WDR17: variants seen among roughly 807,000 people sequenced by gnomAD.
WDR17 encodes WD repeat-containing protein 17.
In WDR17, 143 loss-of-function variants were observed where a neutral mutation model predicts 161.7. The observed-to-expected ratio is 0.88, with a 90% confidence interval of 0.77 to 1.02. WDR17 has a LOEUF of 1.02. Ranked by LOEUF, WDR17 falls within the 50% of genes least tolerant of loss-of-function variation. WDR17 has a pLI of 0.00. For missense variants in WDR17, 1,469 were observed against 1,520.9 expected (o/e 0.97, Z 0.57); for synonymous variants, 517 against 515.6 (o/e 1.00, Z -0.04).
chr4:176,137,556 A>T lies in WDR17; in HGVS notation c.1304A>T (p.Asn435Ile). 6.2e-7 allele frequency: 1 copy of T among 1,601,818 alleles called. No homozygotes were observed. Among genetic ancestry groups the T allele is most frequent in the Non-Finnish European group, 8.5e-7 (1 of 1,172,234 alleles). ...TGTATTGCTGGGGGAACTTCCCGAA[A>T]TGGTGCTTTTATTTGGAATGTTCAA... ...LNCIAGGTSR[N>I]GAFIWNVQKG... Residue 435 changes from asparagine to isoleucine, a missense_variant, in exon 9 of 29, where the codon AAT (asparagine) becomes ATT (isoleucine). Physicochemically the swap from Asn to Ile is moderately radical, Grantham distance 149. Coordinates refer to ENST00000508596, the MANE Select transcript of WDR17 (RefSeq NM_181265.4).
At chr4:176,118,054 T>C (rs28682996) in intron 3 of WDR17, among the ~76,000 whole-genome samples, 40,322 of 151,986 alleles carry the variant, frequency 0.27, 5,613 homozygotes, top group African/African-American at 0.34. Context: ...TCCATTTAAA[T>C]GAAAATGCAT....
Position 176,179,504 on chromosome 4 carries a change from G to A in WDR17, c.3777G>A (p.Leu1259=). ...FLEDGKSAIS[L]NDALMWAKVN... Reference sequence around the variant, plus strand: ...AAGACGGGAAATCTGCTATCTCCTTGAATGATGCTTTGATGTGGGCAAAGG... The same window carrying A: ...AAGACGGGAAATCTGCTATCTCCTTAAATGATGCTTTGATGTGGGCAAAGG... Residue 1259 remains leucine (L), a synonymous_variant, in exon 29 of 29, where the codon TTG becomes TTA. Transcript: ENST00000508596. 1 of 1,606,342 alleles carries A rather than the reference G, an allele frequency of 6.2e-7. No individual in the cohort carries two copies. Among genetic ancestry groups the A allele is most frequent in the Non-Finnish European group, 8.5e-7 (1 of 1,175,850 alleles).
chr4:176,133,378 T>TAAAA (rs571544131), intron 7 of WDR17, among the ~76,000 whole-genome samples: 6 of 72,988 alleles, frequency 8.2e-5, no homozygotes, highest in African/African-American at 1.3e-4. Context: ...TCTACTAAGC[T>TAAAA]AAAAAAAAAA....
intron 16 of WDR17, 31 bp from the exon 17 acceptor site, chr4:176,151,781 T>C: frequency 6.5e-7 from 1 of 1,537,478 alleles, no homozygotes; most frequent in Non-Finnish European, 8.7e-7. Context: ...ATGTCAAATT[T>C]TTTTAAATTC....
chr4:176,066,477 A>G (rs558479012), intron 1 of WDR17, among the ~76,000 whole-genome samples: 1 of 152,256 alleles, frequency 6.6e-6, no homozygotes, highest in Non-Finnish European at 1.5e-5. Context: ...TGGACTTATT[A>G]GTAGGGTTGT....
chr4:176,095,606 T>C (rs535231095), intron 1 of WDR17, among the ~76,000 whole-genome samples: 1 of 152,090 alleles, frequency 6.6e-6, no homozygotes, highest in African/African-American at 2.4e-5. Context: ...CCCCCTCCCC[T>C]ACCCTCCTTC....
In WDR17 at chr4:176,148,333, AT is replaced by A; in HGVS notation, c.1896del (p.Tyr632Ter). On this transcript the variant is annotated frameshift_variant and splice_region_variant, in exon 13 of 29. Coordinates refer to ENST00000508596, the MANE Select transcript of WDR17 (RefSeq NM_181265.4). LOFTEE classifies it high-confidence loss of function. Reference sequence around the variant, plus strand: ...GTGTATGATCACGGTGCAGATGTATATGGTAGAGTGTCTTTCATTCTTTCAT... The same window carrying A: ...GTGTATGATCACGGTGCAGATGTATAGGTAGAGTGTCTTTCATTCTTTCAT... The part of the protein sequence containing the change: ...DTVYDHGADV[Y>X]GLTCHPSRPF... 1 of 1,611,020 alleles carries A rather than the reference AT, an allele frequency of 6.2e-7. No homozygotes were observed. The highest frequency in any genetic ancestry group is 8.5e-7 in the Non-Finnish European group (1 of 1,178,524).
At chr4:176,073,411 A>G (rs1027113272) in intron 1 of WDR17, among the ~76,000 whole-genome samples, 3 of 151,994 alleles carry the variant, frequency 2.0e-5, no homozygotes, top group South Asian at 2.1e-4. Context: ...AGTTTCATCC[A>G]TGTCCCTACA....
Position 176,146,171 on chromosome 4 carries a change from TG to T in WDR17, c.1694+14del. On this transcript the variant is annotated intron_variant, in intron 12 of 28. Coordinates refer to ENST00000508596, the MANE Select transcript of WDR17 (RefSeq NM_181265.4). ...GGTTCTGATGATGGGTATGTATTTT[TG>T]GATTCTAATTTTCTAGTCCTTAAAA... is the stretch of plus-strand genomic sequence containing the variant. 6.2e-7 allele frequency: 1 copy of T among 1,608,020 alleles called. No individual in the cohort carries two copies. The highest frequency in any genetic ancestry group is 8.5e-7 in the Non-Finnish European group (1 of 1,177,480).
chr4:176,066,933 CTA>C (rs1732607291), intron 1 of WDR17, among the ~76,000 whole-genome samples: 1 of 152,102 alleles, frequency 6.6e-6, no homozygotes, highest in African/African-American at 2.4e-5. Flanking sequence ...TCTTAGCACT[CTA>C]ATAACATTTC....
chr4:176,129,775 G>C (rs1330792100), intron 6 of WDR17, among the ~76,000 whole-genome samples: 1 of 152,084 alleles, frequency 6.6e-6, no homozygotes, highest in Non-Finnish European at 1.5e-5. Context: ...AAATTGTGAA[G>C]TCCCTAATAA....
At position 176,162,154 on chromosome 4, in the gene WDR17, C is replaced by G. The variant is rs1207821032; in HGVS notation, c.2830C>G (p.Leu944Val). 1 of 1,612,630 alleles carries G rather than the reference C, an allele frequency of 6.2e-7. No individual in the cohort carries two copies. Among genetic ancestry groups the G allele is most frequent in the African/African-American group, 1.3e-5 (1 of 74,882 alleles). The change falls in exon 21 of 29, where the codon CTT becomes GTT. Residue 944 changes from leucine (L) to valine (V), a missense_variant. By Grantham distance (32) the Leu-to-Val change is conservative. Transcript: ENST00000508596. ...AGCAGTACTAGCCGCATGTTGCCAT[C>G]TTGCCATAGATAATATTGAGGTACG... ...GRAVLAACCH[L>V]AIDNIELAMA... is the part of the protein sequence containing the mutation.
intron 17 of WDR17, among the ~76,000 whole-genome samples, chr4:176,155,140 T>A (rs1747859573): frequency 6.6e-6 from 1 of 152,162 alleles, no homozygotes; most frequent in Admixed American, 6.5e-5. Flanking sequence ...AACAAATTAC[T>A]CTGGAGTTGT....
chr4:176,084,973 G>A (rs965906982), intron 1 of WDR17, among the ~76,000 whole-genome samples: 7 of 151,306 alleles, frequency 4.6e-5, no homozygotes, highest in African/African-American at 9.7e-5. Flanking sequence ...GTATCTTTGC[G>A]TCACCACCAC....
Position 176,131,574 on chromosome 4 carries a change from A to G in WDR17, c.934A>G (p.Lys312Glu), listed in dbSNP as rs1186474470. Reference protein sequence around the residue: ...RKKFSVQSPTKNHYTSSTSEA... With the variant: ...RKKFSVQSPTENHYTSSTSEA... ...TTTAGTTTCAGTCCAATCTCCAACC[A>G]AAAATCATTATACATCCTCAACAAG... Residue 312 changes from lysine (K) to glutamate (E), a missense_variant, in exon 7 of 29, where the codon AAA becomes GAA. Physicochemically the swap from Lys to Glu is moderately conservative, Grantham distance 56. Transcript: ENST00000508596. The G allele has an allele frequency of 6.2e-7, 1 of 1,607,060 alleles. No homozygotes were observed. The highest frequency in any genetic ancestry group is 8.5e-7 in the Non-Finnish European group (1 of 1,176,970).
At position 176,148,262 on chromosome 4, in the gene WDR17, T is replaced by G. The variant is rs370463271; in HGVS notation, c.1824T>G (p.Tyr608Ter). Residue 608 changes from tyrosine to a stop codon, truncating the protein, a stop_gained, in exon 13 of 29, where the codon TAT becomes TAG. Coordinates refer to ENST00000508596, the MANE Select transcript of WDR17 (RefSeq NM_181265.4). LOFTEE classifies it high-confidence loss of function. ...PYLLISGSWD[Y>*]TIKVWDTREG... is the part of the protein sequence containing the mutation. ...TGCTCATATCTGGCAGCTGGGACTA[T>G]ACTATAAAAGTATGGGACACTCGAG... is the stretch of plus-strand genomic sequence containing the variant. 3.1e-6 allele frequency: 5 copies of G among 1,613,814 alleles called. No homozygotes were observed. Among genetic ancestry groups the G allele is most frequent in the African/African-American group, 1.3e-5 (1 of 75,050 alleles).
intron 11 of WDR17, among the ~76,000 whole-genome samples, chr4:176,143,585 G>T (rs547292387): frequency 7.9e-5 from 12 of 152,224 alleles, no homozygotes; most frequent in African/African-American, 2.9e-4. Context: ...AGGCTGAGGT[G>T]GGAGGATGGG....
chr4:176,155,545 G>GTTTTTTTTTTGTTTTGTTTTGTTTTGTT (rs1747940095), intron 17 of WDR17, among the ~76,000 whole-genome samples: 1 of 105,248 alleles, frequency 9.5e-6, no homozygotes, highest in African/African-American at 3.9e-5. Flanking sequence ...ATTTGTTTGT[G>GTTTTTTTTTTGTTTTGTTTTGTTTTGTT]TTTTTTTTTT....
chr4:176,112,023 A>G (rs2126696056), intron 2 of WDR17, among the ~76,000 whole-genome samples: 1 of 152,306 alleles, frequency 6.6e-6, no homozygotes, highest in South Asian at 2.1e-4. Flanking sequence ...AAAAACTTGT[A>G]TAACTATGTT....
Sources: gnomAD v4.1 joint callset for allele counts (sites outside exome capture counted in the v4.1 genomes callset) on GRCh38, gnomAD v4.1.1 for gene constraint, MANE v1.5 for transcripts, NCBI Gene and HGNC (gene_info 2026-07-23, HGNC 2026-07-21) for gene names.